MLIP: variants seen among roughly 807,000 people sequenced by gnomAD.
MLIP encodes muscular LMNA interacting protein.
In MLIP, 79 loss-of-function variants were observed where a neutral mutation model predicts 84.8. That is an observed-to-expected ratio of 0.93 (90% CI 0.78 to 1.12). The LOEUF is 1.12. Ranked by LOEUF, MLIP falls within the 50% of genes most tolerant of loss-of-function variation. MLIP has a pLI of 0.00. For missense variants in MLIP, 1,257 were observed against 1,160.6 expected (o/e 1.08, Z -1.21); for synonymous variants, 504 against 463.0 (o/e 1.09, Z -1.14).
At chr6:54,230,011 C>G (rs973604894) in intron 11 of MLIP, among the ~76,000 whole-genome samples, 3 of 152,142 alleles carry the variant, frequency 2.0e-5, no homozygotes, top group Middle Eastern at 3.2e-3. Context: ...TTCCTACTTC[C>G]TCAAAGCCAC....
chr6:54,065,584 C>T lies in MLIP; in HGVS notation c.63+46493C>T, dbSNP rs1423951617. ...TTATGAATAATTCTAAATGAGGTTA[C>T]GGAATCTCCTCTAAGGAAGACCCTT... is the stretch of plus-strand genomic sequence containing the variant. On this transcript the variant is annotated intron_variant, in intron 1 of 12. Transcript: ENST00000274897. Among the ~76,000 whole-genome samples the T allele has an allele frequency of 2.0e-5, 2 of 100,536 alleles. 1 individual carries two copies. The highest frequency in any genetic ancestry group is 5.7e-5 in the Non-Finnish European group (2 of 34,948). The allele number at this position is 100,536 out of a possible 152,430, so 66.0% of individuals were successfully genotyped here.
chr6:54,123,077 G>T (rs2150439223), intron 2 of MLIP, among the ~76,000 whole-genome samples: 1 of 151,212 alleles, frequency 6.6e-6, no homozygotes, highest in South Asian at 2.1e-4. Context: ...GACTATAGGC[G>T]CCTCTGCCAC....
In MLIP at chr6:54,223,251, A is replaced by T. The variant is rs923427002; in HGVS notation, c.2719-7463A>T. Among the ~76,000 whole-genome samples, 8 of 151,634 alleles carry T rather than the reference A, an allele frequency of 5.3e-5. 1 individual carries two copies. The South Asian group carries it at 1.7e-3, about 32-fold the overall frequency. ...ATTTTTTTAAGTTTGTTGCAATCCC[A>T]CTTATCTATTTTTGCTTTTGGTGTC... On this transcript the variant is annotated intron_variant, in intron 11 of 13. Coordinates refer to ENST00000502396, the MANE Select transcript of MLIP (RefSeq NM_001281747.2).
At chr6:54,027,642 A>G (rs1179253807) in intron 1 of MLIP, among the ~76,000 whole-genome samples, 1 of 152,134 alleles carries the variant, frequency 6.6e-6, no homozygotes, top group Non-Finnish European at 1.5e-5. Context: ...TCTTTCTTAC[A>G]TTAAGGAAAA....
chr6:54,212,087 T>G (rs1185049473), intron 11 of MLIP, among the ~76,000 whole-genome samples: 2 of 152,204 alleles, frequency 1.3e-5, no homozygotes, highest in Admixed American at 6.5e-5. Context: ...GAATGTACAT[T>G]TTCAATGATT....
intron 1 of MLIP, among the ~76,000 whole-genome samples, chr6:54,098,162 T>C (rs1206565845): frequency 1.3e-5 from 2 of 148,456 alleles, no homozygotes; most frequent in Non-Finnish European, 3.0e-5. Flanking sequence ...TTTTTTTTTT[T>C]TTTTTTTGTT....
chr6:54,249,557 A>T (rs1782313404), intron 12 of MLIP, among the ~76,000 whole-genome samples: 1 of 151,710 alleles, frequency 6.6e-6, no homozygotes, highest in South Asian at 2.1e-4. Context: ...TAAAGAAAAA[A>T]CTCAGAGCAT....
rs376576497 is a variant in MLIP, at chr6:54,141,312, C to CTTTTTTTTTTT, written c.2217+3029_2217+3039dup. 1.4e-3 allele frequency among the ~76,000 whole-genome samples: 175 copies of CTTTTTTTTTTT among 128,400 alleles called. 15 individuals carry two copies. Among genetic ancestry groups the CTTTTTTTTTTT allele is most frequent in the African/African-American group, 4.3e-3 (138 of 32,204 alleles). The allele number at this position is 128,400 out of a possible 152,430, so 84.2% of individuals were successfully genotyped here. On this transcript the variant is annotated intron_variant, in intron 4 of 13. Transcript: ENST00000502396. ...GGCATCTGAATGCTGCTCAGCCTGC[C>CTTTTTTTTTTT]TTTTTTTTTTTTTGAGACACGTCCC...
chr6:54,162,176 C>T (rs1011076927), intron 8 of MLIP, among the ~76,000 whole-genome samples: 1 of 151,940 alleles, frequency 6.6e-6, no homozygotes, highest in African/African-American at 2.4e-5. Context: ...AAGGTATAAG[C>T]TTTGAATGTA....
chr6:54,148,223 A>G (rs763061199), intron 4 of MLIP, among the ~76,000 whole-genome samples: 1 of 152,172 alleles, frequency 6.6e-6, no homozygotes, highest in African/African-American at 2.4e-5. Flanking sequence ...CTGAAGTGAC[A>G]GGAGCCTTGA....
chr6:54,054,042 A>G (rs1314126706), intron 1 of MLIP, among the ~76,000 whole-genome samples: 1 of 152,228 alleles, frequency 6.6e-6, no homozygotes, highest in Non-Finnish European at 1.5e-5. Flanking sequence ...ACAAGGGAGA[A>G]ATGTACCTAT....
intron 1 of MLIP, among the ~76,000 whole-genome samples, chr6:54,041,637 C>T (rs1227212777): frequency 6.6e-6 from 1 of 152,098 alleles, no homozygotes; most frequent in Non-Finnish European, 1.5e-5. Flanking sequence ...CACGTGCTGG[C>T]ATCTCATCAT....
chr6:54,196,493 T>C (rs1299008933), intron 10 of MLIP, among the ~76,000 whole-genome samples: 1 of 152,146 alleles, frequency 6.6e-6, no homozygotes, highest in Non-Finnish European at 1.5e-5. Context: ...GCTCCATTCA[T>C]GTCCCTGCAA....
chr6:54,264,117 A>T (rs1003258055), intron 13 of MLIP, among the ~76,000 whole-genome samples: 4 of 152,074 alleles, frequency 2.6e-5, no homozygotes, highest in African/African-American at 9.7e-5. Context: ...GTTCGGGAAG[A>T]GCTGAGAAAT....
chr6:54,137,644 A>G lies in MLIP; in HGVS notation c.1575A>G (p.Arg525=). ...GCCTTGCTTCCATGAATGTAGAGAG[A>G]ACACCATCACCTACTTTGAAGAGCA... ...SSSLASMNVE[R]TPSPTLKSNT... The change falls in exon 4 of 14, where the codon AGA becomes AGG. Residue 525 remains arginine, a synonymous_variant. Coordinates refer to ENST00000502396, the MANE Select transcript of MLIP (RefSeq NM_001281747.2). 2.6e-6 allele frequency: 4 copies of G among 1,536,048 alleles called. No homozygotes were observed. Among genetic ancestry groups the G allele is most frequent in the Non-Finnish European group, 3.5e-6 (4 of 1,146,882 alleles).
intron 13 of MLIP, among the ~76,000 whole-genome samples, chr6:54,261,194 T>C (rs993006982): frequency 5.3e-5 from 8 of 152,070 alleles, no homozygotes; most frequent in African/African-American, 1.7e-4. Context: ...TCTCATCTTG[T>C]AAGTTCAGCA....
chr6:54,076,312 T>C (rs891513350), intron 1 of MLIP, among the ~76,000 whole-genome samples: 1 of 152,178 alleles, frequency 6.6e-6, no homozygotes, highest in Non-Finnish European at 1.5e-5. Flanking sequence ...CTAAAGGTCA[T>C]GCTGATTGTG....
At chr6:54,042,205 T>C (rs760704937) in intron 1 of MLIP, among the ~76,000 whole-genome samples, 1 of 152,112 alleles carries the variant, frequency 6.6e-6, no homozygotes, top group Non-Finnish European at 1.5e-5. Flanking sequence ...TTTCTGTGAA[T>C]AAAACTGAAA....
chr6:54,091,048 T>C (rs924462232), intron 1 of MLIP, among the ~76,000 whole-genome samples: 1 of 152,060 alleles, frequency 6.6e-6, no homozygotes, highest in Non-Finnish European at 1.5e-5. Flanking sequence ...TGTAGGATAT[T>C]TAGAAACGTC....
Sources: gnomAD v4.1 joint callset for allele counts (sites outside exome capture counted in the v4.1 genomes callset) on GRCh38, gnomAD v4.1.1 for gene constraint, MANE v1.5 for transcripts, NCBI Gene and HGNC (gene_info 2026-07-23, HGNC 2026-07-21) for gene names.